The following COLEC11 variants were observed in gnomAD, a reference collection of about 807,000 sequenced individuals.
COLEC11 encodes collectin-11.
COLEC11 carries 20 observed loss-of-function variants against 27.3 expected under a neutral mutation model. The ratio of observed to expected loss-of-function variants is 0.73; its 90% CI spans 0.51 to 1.06. The LOEUF (loss-of-function observed/expected upper bound fraction) is 1.06, where lower values mean the gene tolerates loss of function less well. COLEC11 is among the 50% of genes least tolerant of loss of function. COLEC11 has a pLI of 0.00. For missense variants in COLEC11, 310 were observed against 383.0 expected (o/e 0.81, Z 1.59); for synonymous variants, 163 against 154.7 (o/e 1.05, Z -0.40).
At chr2:3,603,743 G>A in intron 1 of COLEC11, 2 of 1,424,410 alleles carry the variant, frequency 1.4e-6, no homozygotes, top group Non-Finnish European at 1.9e-6. Context: ...CACCTCCCCA[G>A]GCCCCTGGGT....
intron 1 of COLEC11, among the ~76,000 whole-genome samples, chr2:3,600,428 GC>G (rs1009206603): frequency 6.6e-6 from 1 of 152,074 alleles, no homozygotes; most frequent in African/African-American, 2.4e-5. Context: ...GGTGGTACAT[GC>G]CTGTAGTCTC....
At chr2:3,636,380 G>A (rs567143954) in intron 3 of COLEC11, among the ~76,000 whole-genome samples, 2 of 152,246 alleles carry the variant, frequency 1.3e-5, no homozygotes, top group African/African-American at 2.4e-5. Context: ...GTGTGAACCC[G>A]GGAGGTGGAG....
intron 3 of COLEC11, among the ~76,000 whole-genome samples, chr2:3,632,358 C>A (rs1665079479): frequency 6.6e-6 from 1 of 152,188 alleles, no homozygotes; most frequent in Non-Finnish European, 1.5e-5. Context: ...ACACAGCGGG[C>A]AGCTTCCAGG....
At chr2:3,615,182 C>T (rs1192733908) in intron 3 of COLEC11, among the ~76,000 whole-genome samples, 5 of 151,352 alleles carry the variant, frequency 3.3e-5, no homozygotes, top group East Asian at 1.9e-4. Flanking sequence ...GGGTATTTCT[C>T]GCAGAGGGGG....
intron 2 of COLEC11, among the ~76,000 whole-genome samples, chr2:3,612,400 C>G (rs72769323): frequency 0.055 from 8,301 of 152,142 alleles, 340 homozygotes; most frequent in African/African-American, 0.12. Context: ...TGAGAGAATC[C>G]GGAAGAGCCT....
chr2:3,628,448 C>T (rs2147930001), intron 3 of COLEC11, among the ~76,000 whole-genome samples: 1 of 152,366 alleles, frequency 6.6e-6, no homozygotes, highest in East Asian at 1.9e-4. Context: ...CACCCAGGTG[C>T]TGCTGCTGCC....
At chr2:3,598,730 A>C (rs1168033746) in intron 1 of COLEC11, among the ~76,000 whole-genome samples, 2 of 151,788 alleles carry the variant, frequency 1.3e-5, no homozygotes, top group Non-Finnish European at 2.9e-5. Flanking sequence ...AGGGGTGTGG[A>C]GAGGAGGCTG....
chr2:3,644,302 C>T lies in COLEC11; in HGVS notation c.*184C>T. On this transcript the variant is annotated 3_prime_UTR_variant, in exon 7 of 7. Transcript: ENST00000349077. The stretch of plus-strand genomic sequence containing the variant: ...GCTTAAGAGGAAAATGAAAGTGTTC[C>T]TGGGGTGCTGTCTCTGAAGAAGCAG... The T allele has an allele frequency of 1.3e-6, 1 of 761,712 alleles. No homozygotes were observed. Among genetic ancestry groups the T allele is most frequent in the African/African-American group, 1.7e-5 (1 of 58,352 alleles). 47.2% of individuals were successfully genotyped at this position (761,712 alleles called of 1,614,324 possible).
chr2:3,628,676 C>T (rs183365017), intron 3 of COLEC11, among the ~76,000 whole-genome samples: 1 of 152,354 alleles, frequency 6.6e-6, no homozygotes, highest in East Asian at 1.9e-4. Flanking sequence ...GATAAAAAGC[C>T]AGGCCATGGC....
rs748736842 is a variant in COLEC11 at position 3,643,735 on chromosome 2, G to A, written c.433G>A (p.Gly145Ser). The change falls in exon 7 of 7, where the codon GGT (glycine) becomes AGT (serine). Residue 145 changes from glycine to serine, a missense_variant. Gly to Ser is a moderately conservative substitution (Grantham distance 56). Coordinates refer to ENST00000349077, the MANE Select transcript of COLEC11 (RefSeq NM_024027.5). ...CCTGCCTTACCCCACAGCTGTCGCC[G>A]GTGTGCGCGAGACGGAGAGCAAGAT... Reference protein sequence around the residue: ...ELKFIKNAVAGVRETESKIYL... With the variant: ...ELKFIKNAVASVRETESKIYL... The A allele has an allele frequency of 1.1e-5, 17 of 1,613,530 alleles. No homozygotes were observed. The highest frequency in any genetic ancestry group is 1.6e-4 in the Middle Eastern group (1 of 6,064).
intron 3 of COLEC11, chr2:3,625,943 A>G: frequency 2.8e-6 from 4 of 1,441,866 alleles, no homozygotes; most frequent in Non-Finnish European, 3.9e-6. Context: ...GACTTTGCAA[A>G]GTTATTTAAC....
intron 3 of COLEC11, among the ~76,000 whole-genome samples, chr2:3,616,136 A>G (rs1346353339): frequency 6.8e-6 from 1 of 146,132 alleles, no homozygotes. Context: ...GTGGCTGGGC[A>G]GAGGCGCTCC....
rs937223985 is a variant in COLEC11 at position 3,608,039 on chromosome 2, A to C, written c.130+3569A>C. Among the ~76,000 whole-genome samples, 55 of 152,352 alleles carry C rather than the reference A, an allele frequency of 3.6e-4. 1 individual carries two copies. Among genetic ancestry groups the C allele is most frequent in the African/African-American group, 1.3e-3 (52 of 41,590 alleles). On this transcript the variant is annotated intron_variant, in intron 2 of 6. Coordinates refer to ENST00000349077, the MANE Select transcript of COLEC11 (RefSeq NM_024027.5). Reference sequence around the variant, plus strand: ...CTTGTAAGCAGGTGGCGTGACAGTCAAGCACTGTCCACGGATCTTCCTCAA... The same window carrying C: ...CTTGTAAGCAGGTGGCGTGACAGTCCAGCACTGTCCACGGATCTTCCTCAA...
At position 3,600,284 on chromosome 2, in the gene COLEC11, G is replaced by A. The variant is rs182039548; in HGVS notation, c.-26-4031G>A. On this transcript the variant is annotated intron_variant, in intron 1 of 6. Coordinates refer to ENST00000349077, the MANE Select transcript of COLEC11 (RefSeq NM_024027.5). Reference sequence around the variant, plus strand: ...TCAAAAGCAAGCAAGGCTGGGCACAGTGGCTCACACCTGTAGTCCCAGCAG... The same window carrying A: ...TCAAAAGCAAGCAAGGCTGGGCACAATGGCTCACACCTGTAGTCCCAGCAG... Among the ~76,000 whole-genome samples the A allele has an allele frequency of 3.1e-3, 475 of 151,298 alleles. 1 individual carries two copies. Among genetic ancestry groups the A allele is most frequent in the African/African-American group, 0.011 (454 of 41,238 alleles).
chr2:3,608,537 A>G (rs1662918322), intron 2 of COLEC11, among the ~76,000 whole-genome samples: 1 of 152,128 alleles, frequency 6.6e-6, no homozygotes, highest in Non-Finnish European at 1.5e-5. Flanking sequence ...AACCTTGCCA[A>G]ATTGGCCAGG....
chr2:3,631,695 G>C (rs186284784), intron 3 of COLEC11, among the ~76,000 whole-genome samples: 1 of 151,658 alleles, frequency 6.6e-6, no homozygotes, highest in East Asian at 1.9e-4. Flanking sequence ...CCCCTGCTCG[G>C]AGGGGGCTCT....
intron 3 of COLEC11, among the ~76,000 whole-genome samples, chr2:3,636,300 C>T (rs1004146537): frequency 2.6e-5 from 4 of 152,196 alleles, no homozygotes; most frequent in Non-Finnish European, 2.9e-5. Flanking sequence ...GCTAAAAATA[C>T]AAAAATTAGC....
intron 5 of COLEC11, among the ~76,000 whole-genome samples, chr2:3,642,148 C>T (rs893553537): frequency 2.6e-5 from 4 of 152,214 alleles, no homozygotes; most frequent in African/African-American, 9.6e-5. Context: ...GTGTTCTGGA[C>T]ACCGTGCCGT....
At chr2:3,639,818 G>A (rs1271910052) in intron 4 of COLEC11, among the ~76,000 whole-genome samples, 1 of 152,194 alleles carries the variant, frequency 6.6e-6, no homozygotes, top group Middle Eastern at 3.2e-3. Context: ...GCAGGGATGG[G>A]AAGGACCTTG....
Sources: allele counts gnomAD v4.1 joint callset (sites outside exome capture counted in the v4.1 genomes callset), GRCh38; gene constraint gnomAD v4.1.1; transcripts MANE v1.5; gene names NCBI Gene and HGNC (gene_info 2026-07-23, HGNC 2026-07-21).